The following ADGRL4 variants were observed in gnomAD, a reference collection of about 807,000 sequenced individuals.
The protein encoded by ADGRL4 is EGF, latrophilin and seven transmembrane domain containing 1.
A neutral mutation model predicts 74.8 loss-of-function variants in ADGRL4; 90 were observed. That is an observed-to-expected ratio of 1.20 (90% CI 1.02 to 1.43). The LOEUF (loss-of-function observed/expected upper bound fraction) is 1.43, where lower values mean the gene tolerates loss of function less well. ADGRL4 is among the 40% of genes most tolerant of loss of function. ADGRL4 has a pLI of 0.00. For synonymous variants in ADGRL4, 311 were observed against 279.2 expected (o/e 1.11, Z -1.14); for missense variants, 881 against 814.3 (o/e 1.08, Z -1.00).
At chr1:78,940,427 T>G (rs1649452054) in intron 3 of ADGRL4, among the ~76,000 whole-genome samples, 1 of 152,164 alleles carries the variant, frequency 6.6e-6, no homozygotes, top group Non-Finnish European at 1.5e-5. Flanking sequence ...AAAAGCCATG[T>G]ATTGAGGCTG....
chr1:78,946,578 A>G, intron 2 of ADGRL4, 152 bp from the exon 3 acceptor site: 1 of 604,390 alleles, frequency 1.7e-6, no homozygotes, highest in Non-Finnish European at 2.7e-6. Flanking sequence ...TCCATATTCC[A>G]CACTTCCTTA....
chr1:78,946,259 G>C lies in ADGRL4; in HGVS notation c.325+15C>G. ...AGAGATATATACAAATTCTAACTTA[G>C]ATAACCGAACTTACCTATACAGACG... On this transcript the variant is annotated intron_variant, in intron 3 of 14. Transcript: ENST00000370742. 1.9e-6 allele frequency: 3 copies of C among 1,586,304 alleles called. No individual in the cohort carries two copies. Among genetic ancestry groups the C allele is most frequent in the Non-Finnish European group, 2.6e-6 (3 of 1,169,600 alleles).
In ADGRL4 at chr1:78,990,858, T is replaced by C. The variant is rs578063176; in HGVS notation, c.172+14212A>G. On this transcript the variant is annotated intron_variant, in intron 2 of 14. Transcript: ENST00000370742. ...GTTTATAAAGGTCCAGAAATAATCT[T>C]CAGAACTTATCCTCCATACGGCACC... Among the ~76,000 whole-genome samples, 7 of 152,072 alleles carry C rather than the reference T, an allele frequency of 4.6e-5. No homozygotes were observed. In the South Asian group the frequency reaches 6.2e-4, roughly 14 times the overall value.
At chr1:78,986,030 A>G (rs942103990) in intron 2 of ADGRL4, among the ~76,000 whole-genome samples, 4 of 151,664 alleles carry the variant, frequency 2.6e-5, no homozygotes, top group Non-Finnish European at 5.9e-5. Flanking sequence ...CGGGGGTGGA[A>G]GAAGGGAGGA....
intron 2 of ADGRL4, among the ~76,000 whole-genome samples, chr1:78,975,396 T>A (rs1489375450): frequency 6.6e-6 from 1 of 152,084 alleles, no homozygotes; most frequent in Non-Finnish European, 1.5e-5. Flanking sequence ...GTCACCCAGA[T>A]GGACAGTGGG....
chr1:78,921,711 C>A lies in ADGRL4; in HGVS notation c.1159G>T (p.Glu387Ter), dbSNP rs1167316124. The A allele has an allele frequency of 6.2e-7, 1 of 1,604,282 alleles. No homozygotes were observed. The highest frequency in any genetic ancestry group is 2.3e-5 in the East Asian group (1 of 43,996). ...TTTGAGTATGTCAGCTCACAGCCCT[C>A]TGAAGACCAGCTGCCATTCATGGTA... ...PDTMNGSWSS[E>*]GCELTYSNET... is the part of the protein sequence containing the mutation. The change falls in exon 9 of 15, where the codon GAG becomes TAG. Residue 387 changes from glutamate to a stop codon, truncating the protein, a stop_gained. Coordinates refer to ENST00000370742, the MANE Select transcript of ADGRL4 (RefSeq NM_022159.4). LOFTEE classifies it high-confidence loss of function.
chr1:78,958,545 A>G (rs1040581899), intron 2 of ADGRL4, among the ~76,000 whole-genome samples: 2 of 152,150 alleles, frequency 1.3e-5, no homozygotes, highest in African/African-American at 4.8e-5. Context: ...TATCAAGAGA[A>G]CTAGAAATGC....
intron 12 of ADGRL4, among the ~76,000 whole-genome samples, chr1:78,912,527 C>T (rs1648783056): frequency 6.6e-6 from 1 of 151,828 alleles, no homozygotes; most frequent in South Asian, 2.1e-4. Flanking sequence ...CTACATGCTC[C>T]TTATGAGAAT....
intron 12 of ADGRL4, among the ~76,000 whole-genome samples, chr1:78,902,205 T>G (rs901382884): frequency 6.6e-6 from 1 of 152,152 alleles, no homozygotes; most frequent in Non-Finnish European, 1.5e-5. Flanking sequence ...GCATTCTGCA[T>G]GTACTTCAAA....
intron 7 of ADGRL4, 56 bp downstream of exon 7, chr1:78,936,239 T>C: frequency 6.5e-7 from 1 of 1,533,194 alleles, no homozygotes; most frequent in Non-Finnish European, 8.8e-7. Context: ...AAATGCATGA[T>C]AAATATTTAT....
In ADGRL4 at chr1:78,960,154, C is replaced by T. The variant is rs561419993; in HGVS notation, c.173-13728G>A. Among the ~76,000 whole-genome samples, 14 of 152,154 alleles carry T rather than the reference C, an allele frequency of 9.2e-5. No homozygotes were observed. In the South Asian group the frequency reaches 1.0e-3, roughly 11 times the overall value. On this transcript the variant is annotated intron_variant, in intron 2 of 14. Coordinates refer to ENST00000370742, the MANE Select transcript of ADGRL4 (RefSeq NM_022159.4). ...TTGCATCTTTTAAGAAAAATGCTTA[C>T]ATAAAAGCATATCATTGTATTAAGT...
At chr1:78,966,291 C>T (rs577858926) in intron 2 of ADGRL4, among the ~76,000 whole-genome samples, 31 of 152,222 alleles carry the variant, frequency 2.0e-4, no homozygotes, top group Non-Finnish European at 2.6e-4. Context: ...TCTGAGTTTG[C>T]GGAAAGTCCC....
At chr1:79,001,724 G>A (rs1415487723) in intron 2 of ADGRL4, among the ~76,000 whole-genome samples, 1 of 152,092 alleles carries the variant, frequency 6.6e-6, no homozygotes, top group Non-Finnish European at 1.5e-5. Context: ...AAATTATACT[G>A]TTGTTATGCT....
intron 2 of ADGRL4, among the ~76,000 whole-genome samples, chr1:78,961,283 C>A (rs1387194668): frequency 6.6e-6 from 1 of 152,082 alleles, no homozygotes; most frequent in Non-Finnish European, 1.5e-5. Context: ...GCTGGGACTA[C>A]AGGTGCATGC....
intron 12 of ADGRL4, among the ~76,000 whole-genome samples, chr1:78,896,200 G>A (rs1648395162): frequency 6.6e-6 from 1 of 152,084 alleles, no homozygotes; most frequent in South Asian, 2.1e-4. Flanking sequence ...AAGCCTTGAG[G>A]ATTTTCCTAT....
At chr1:78,994,138 C>T in intron 2 of ADGRL4, among the ~76,000 whole-genome samples, 1 of 152,124 alleles carries the variant, frequency 6.6e-6, no homozygotes, top group East Asian at 1.9e-4. Context: ...TTGCATAGTT[C>T]ATCCCTTAAA....
At chr1:78,903,147 G>C (rs1026845623) in intron 12 of ADGRL4, among the ~76,000 whole-genome samples, 3 of 152,108 alleles carry the variant, frequency 2.0e-5, no homozygotes, top group African/African-American at 7.2e-5. Flanking sequence ...TGTCAGATCT[G>C]AGCCATTCTG....
intron 2 of ADGRL4, among the ~76,000 whole-genome samples, chr1:78,984,815 C>T (rs1489760088): frequency 1.3e-5 from 2 of 151,576 alleles, no homozygotes; most frequent in African/African-American, 2.4e-5. Context: ...GGGCTAAAAC[C>T]TTTTCAACAT....
intron 2 of ADGRL4, among the ~76,000 whole-genome samples, chr1:78,948,002 G>A (rs1649641299): frequency 6.6e-6 from 1 of 152,104 alleles, no homozygotes; most frequent in Admixed American, 6.6e-5. Context: ...CTTTATAGAA[G>A]CTCTAGGAGG....
Sources: gnomAD v4.1 joint callset for allele counts (sites outside exome capture counted in the v4.1 genomes callset) on GRCh38, gnomAD v4.1.1 for gene constraint, MANE v1.5 for transcripts, NCBI Gene and HGNC (gene_info 2026-07-23, HGNC 2026-07-21) for gene names.